Variants in NRCAM observed in about 807,000 individuals in gnomAD.
NRCAM encodes NgCAM-related cell adhesion molecule.
NRCAM carries 83 observed loss-of-function variants against 156.5 expected under a neutral mutation model. The observed-to-expected ratio is 0.53, with a 90% CI of 0.44 to 0.64. The LOEUF is 0.64. NRCAM is among the 30% of genes least tolerant of loss of function. The pLI is 0.00. For missense variants in NRCAM, 1,417 were observed against 1,597.3 expected (o/e 0.89, Z 1.92); for synonymous variants, 538 against 563.9 (o/e 0.95, Z 0.65).
chr7:108,267,365 G>T (rs2097146966), intron 3 of NRCAM, among the ~76,000 whole-genome samples: 1 of 152,196 alleles, frequency 6.6e-6, no homozygotes. Flanking sequence ...GCATACTGTG[G>T]CTTTATAATA....
At position 108,321,257 on chromosome 7, in the gene NRCAM, C is replaced by T. The variant is rs142925104; in HGVS notation, c.-173-8526G>A. ...TTATAACCTACTGTGTTATAACCTA[C>T]TAGTTCATTTCCGTTGCTTTAAAGT... On this transcript the variant is annotated intron_variant, in intron 2 of 32. Coordinates refer to ENST00000379028, the MANE Select transcript of NRCAM (RefSeq NM_001037132.4). Among the ~76,000 whole-genome samples the T allele has an allele frequency of 6.6e-5, 10 of 152,286 alleles. No individual in the cohort carries two copies. In the East Asian group the frequency reaches 1.2e-3, roughly 18 times the overall value.
intron 2 of NRCAM, among the ~76,000 whole-genome samples, chr7:108,329,501 C>T (rs2099104952): frequency 6.6e-6 from 1 of 152,190 alleles, no homozygotes. Context: ...AACTCATTCA[C>T]CAGCTATGAT....
At chr7:108,264,916 G>C (rs932015266) in intron 3 of NRCAM, among the ~76,000 whole-genome samples, 2 of 151,878 alleles carry the variant, frequency 1.3e-5, no homozygotes, top group African/African-American at 4.9e-5. Context: ...TCCAACAGCA[G>C]ATGAATAATA....
intron 2 of NRCAM, chr7:108,328,456 C>T (rs2099093127): frequency 6.6e-6 from 1 of 152,204 alleles, no homozygotes; most frequent in African/African-American, 2.4e-5. Flanking sequence ...TTTCCATTTC[C>T]TCCCAGTAGC....
intron 13 of NRCAM, among the ~76,000 whole-genome samples, chr7:108,198,943 A>G (rs866087382): frequency 1.8e-4 from 27 of 152,182 alleles, no homozygotes; most frequent in African/African-American, 6.5e-4. Context: ...CATGCCCAGC[A>G]ATTTGGAACT....
At position 108,223,809 on chromosome 7, in the gene NRCAM, G is replaced by A. The variant is rs774737340; in HGVS notation, c.806C>T (p.Thr269Ile). ...GAKSSRERPP[T>I]FLTPEGNASN... ...TGCATTGCCTTCTGGAGTTAAAAATGTTGGTGGCCTCTCTCTACTTGATTT... is the reference window on the plus strand; with the variant it reads ...TGCATTGCCTTCTGGAGTTAAAAATATTGGTGGCCTCTCTCTACTTGATTT... Residue 269 changes from threonine (T) to isoleucine (I), a missense_variant, in exon 11 of 33, where the codon ACA becomes ATA. Physicochemically the swap from Thr to Ile is moderately conservative, Grantham distance 89. Transcript: ENST00000379028. 1 of 1,606,242 alleles carries A rather than the reference G, an allele frequency of 6.2e-7. No individual in the cohort carries two copies. Among genetic ancestry groups the A allele is most frequent in the South Asian group, 1.1e-5 (1 of 90,826 alleles).
At chr7:108,233,672 A>G (rs947534308) in intron 6 of NRCAM, among the ~76,000 whole-genome samples, 1 of 152,158 alleles carries the variant, frequency 6.6e-6, no homozygotes. Flanking sequence ...GACATAGTAC[A>G]TATTCTGTCC....
intron 1 of NRCAM, among the ~76,000 whole-genome samples, chr7:108,421,469 C>T (rs1489472893): frequency 6.6e-6 from 1 of 151,992 alleles, no homozygotes; most frequent in East Asian, 1.9e-4. Flanking sequence ...GTAATTCAAA[C>T]CTGTAAACCT....
At chr7:108,409,395 C>T (rs535072345) in intron 1 of NRCAM, among the ~76,000 whole-genome samples, 3 of 152,220 alleles carry the variant, frequency 2.0e-5, no homozygotes, top group Admixed American at 2.0e-4. Flanking sequence ...GTGACAGCCA[C>T]ACTTATACTA....
chr7:108,406,469 T>G (rs1462227863), intron 1 of NRCAM, among the ~76,000 whole-genome samples: 1 of 152,208 alleles, frequency 6.6e-6, no homozygotes, highest in Non-Finnish European at 1.5e-5. Flanking sequence ...TCATAAAAAT[T>G]TAATCTACTT....
intron 13 of NRCAM, among the ~76,000 whole-genome samples, chr7:108,200,737 TACACACACACACACACACAC>T (rs61489479): frequency 0.044 from 5,934 of 135,062 alleles, 126 homozygotes; most frequent in Middle Eastern, 0.07. Flanking sequence ...GATAAAGAAA[TACACACACACACACACACAC>T]ACACACACAC....
intron 11 of NRCAM, among the ~76,000 whole-genome samples, chr7:108,218,931 G>A (rs117113765): frequency 0.017 from 2,515 of 152,156 alleles, 38 homozygotes; most frequent in South Asian, 0.031. Flanking sequence ...CTGGTTCTTC[G>A]AAAAGATAAA....
chr7:108,451,273 C>G (rs370352744), intron 1 of NRCAM, among the ~76,000 whole-genome samples: 1 of 151,064 alleles, frequency 6.6e-6, no homozygotes, highest in Non-Finnish European at 1.5e-5. Context: ...GCACTTCAAA[C>G]CTATTAGGAT....
chr7:108,358,981 C>T (rs1437058680), intron 2 of NRCAM, among the ~76,000 whole-genome samples: 1 of 152,196 alleles, frequency 6.6e-6, no homozygotes, highest in Non-Finnish European at 1.5e-5. Flanking sequence ...TCTATAAGCT[C>T]AGGACCTGGC....
intron 2 of NRCAM, among the ~76,000 whole-genome samples, chr7:108,370,032 T>C (rs756518731): frequency 9.2e-5 from 14 of 152,286 alleles, no homozygotes; most frequent in Non-Finnish European, 1.8e-4. Context: ...TCTGAAAATA[T>C]TCGGTAATAG....
Position 108,241,006 on chromosome 7 carries a change from CT to C in NRCAM, c.-106-837del, listed in dbSNP as rs2095486684. On this transcript the variant is annotated intron_variant, in intron 3 of 32. Transcript: ENST00000379028. ...TCTTTGTTTATTCTATTTCATTTGC[CT>C]TTATCCACCATATTTTCTTATCAAA... Among the ~76,000 whole-genome samples, 7 of 152,018 alleles carry C rather than the reference CT, an allele frequency of 4.6e-5. No individual in the cohort carries two copies. In the South Asian group the frequency reaches 1.2e-3, roughly 27 times the overall value.
intron 11 of NRCAM, among the ~76,000 whole-genome samples, chr7:108,215,273 T>C: frequency 6.7e-6 from 1 of 149,454 alleles, no homozygotes; most frequent in East Asian, 2.0e-4. Flanking sequence ...AGTGCAGTGG[T>C]GCGATCTCGG....
chr7:108,435,208 T>A (rs780741327), intron 1 of NRCAM, among the ~76,000 whole-genome samples: 5 of 152,298 alleles, frequency 3.3e-5, no homozygotes, highest in African/African-American at 1.2e-4. Context: ...CAAATTTTTT[T>A]AAAGAAAACA....
intron 2 of NRCAM, among the ~76,000 whole-genome samples, chr7:108,356,378 T>A (rs1226340331): frequency 6.6e-6 from 1 of 152,206 alleles, no homozygotes; most frequent in Non-Finnish European, 1.5e-5. Context: ...CTATAGGTAT[T>A]TATGAATAGG....
Sources: gnomAD v4.1 joint callset for allele counts (sites outside exome capture counted in the v4.1 genomes callset) on GRCh38, gnomAD v4.1.1 for gene constraint, MANE v1.5 for transcripts, NCBI Gene and HGNC (gene_info 2026-07-23, HGNC 2026-07-21) for gene names.